The following KLHL1 variants were observed in gnomAD, a reference collection of about 807,000 sequenced individuals.
The protein encoded by KLHL1 is kelch-like protein 1.
In KLHL1, 47 loss-of-function variants were observed where a neutral mutation model predicts 77.7. The ratio of observed to expected loss-of-function variants is 0.60; its 90% CI spans 0.48 to 0.77. The LOEUF is 0.77. KLHL1 is among the 30% of genes least tolerant of loss of function. The pLI, the probability that KLHL1 is intolerant of heterozygous loss-of-function variation, is 0.00. For synonymous variants in KLHL1, 360 were observed against 325.2 expected (o/e 1.11, Z -1.15); for missense variants, 925 against 910.8 (o/e 1.02, Z -0.20).
At chr13:69,828,221 TGA>T (rs1363357758) in intron 6 of KLHL1, among the ~76,000 whole-genome samples, 4 of 140,966 alleles carry the variant, frequency 2.8e-5, no homozygotes, top group African/African-American at 1.0e-4. Flanking sequence ...GCCCAAAATG[TGA>T]GAGGGGAAAG....
At chr13:70,099,681 C>G (rs1156440243) in intron 1 of KLHL1, among the ~76,000 whole-genome samples, 1 of 151,900 alleles carries the variant, frequency 6.6e-6, no homozygotes, top group Non-Finnish European at 1.5e-5. Context: ...ATACACCATA[C>G]AATAAGCTTT....
chr13:69,865,233 G>A (rs1057040607), intron 5 of KLHL1, among the ~76,000 whole-genome samples: 12 of 152,072 alleles, frequency 7.9e-5, no homozygotes, highest in East Asian at 3.9e-4. Flanking sequence ...CAGTGCACTC[G>A]GCCCTGAGTT....
At chr13:69,996,153 A>C (rs1013379342) in intron 1 of KLHL1, among the ~76,000 whole-genome samples, 4 of 152,142 alleles carry the variant, frequency 2.6e-5, no homozygotes, top group Non-Finnish European at 5.9e-5. Flanking sequence ...AAATACAAAA[A>C]TTAGCTGCGC....
rs752906083 is a variant in KLHL1 at position 69,740,389 on chromosome 13, C to T, written c.1802+5G>A. The T allele has an allele frequency of 4.1e-5, 63 of 1,530,470 alleles. No individual in the cohort carries two copies. The highest frequency in any genetic ancestry group is 5.3e-5 in the Non-Finnish European group (60 of 1,131,440). 94.8% of individuals were successfully genotyped at this position (1,530,470 alleles called of 1,614,324 possible). ...GATTAAAAAATAAGAAAAAAATTTA[C>T]TTACTTGCCATTCAATGCTGCTACA... On this transcript the variant is annotated splice_donor_5th_base_variant and intron_variant, in intron 8 of 10. Coordinates refer to ENST00000377844, the MANE Select transcript of KLHL1 (RefSeq NM_020866.3).
intron 1 of KLHL1, among the ~76,000 whole-genome samples, chr13:70,057,573 G>A (rs1886774493): frequency 6.7e-6 from 1 of 148,648 alleles, no homozygotes; most frequent in Non-Finnish European, 1.5e-5. Context: ...TCAGGAGATC[G>A]AGACCATCCT....
chr13:70,102,910 G>A (rs572305383), intron 1 of KLHL1, among the ~76,000 whole-genome samples: 46 of 152,116 alleles, frequency 3.0e-4, no homozygotes, highest in Admixed American at 5.9e-4. Context: ...CTGCTCCATG[G>A]TAAGGGTAGA....
At chr13:69,904,150 T>G (rs1012883015) in intron 4 of KLHL1, among the ~76,000 whole-genome samples, 1 of 47,172 alleles carries the variant, frequency 2.1e-5, no homozygotes, top group Non-Finnish European at 3.8e-5. Flanking sequence ...TTAATATTTA[T>G]CATTTAATAA....
At chr13:69,739,175 T>C (rs1161392645) in intron 8 of KLHL1, among the ~76,000 whole-genome samples, 1 of 152,024 alleles carries the variant, frequency 6.6e-6, no homozygotes, top group Admixed American at 6.6e-5. Flanking sequence ...GAAGGAGAAA[T>C]AAAATATTTT....
chr13:70,064,619 G>T (rs1886964937), intron 1 of KLHL1, among the ~76,000 whole-genome samples: 1 of 152,006 alleles, frequency 6.6e-6, no homozygotes, highest in African/African-American at 2.4e-5. Context: ...AACTTCACAG[G>T]GTAAGAGACT....
intron 1 of KLHL1, among the ~76,000 whole-genome samples, chr13:70,000,683 T>C (rs552257149): frequency 6.6e-6 from 1 of 151,974 alleles, no homozygotes; most frequent in Non-Finnish European, 1.5e-5. Context: ...AAAAATATAA[T>C]TTAAATAATT....
At chr13:70,078,538 T>G (rs529422301) in intron 1 of KLHL1, among the ~76,000 whole-genome samples, 1 of 152,232 alleles carries the variant, frequency 6.6e-6, no homozygotes, top group South Asian at 2.1e-4. Context: ...TGAAGGGTAT[T>G]GGCTTGGCAG....
At chr13:69,741,458 TATTG>T (rs1873982954) in intron 7 of KLHL1, among the ~76,000 whole-genome samples, 9 of 152,258 alleles carry the variant, frequency 5.9e-5, no homozygotes, top group Admixed American at 4.6e-4. Flanking sequence ...AATTTATGCA[TATTG>T]ATTAAGACAT....
At position 69,736,679 on chromosome 13, in the gene KLHL1, G is replaced by GAGAT. The variant is rs1555264280; in HGVS notation, c.1802+3714_1802+3715insATCT. ...TAGTGATTGGATAAAGAGATTGTGA[G>GAGAT]ATATATATATGTATATATATATACA... On this transcript the variant is annotated intron_variant, in intron 8 of 10. Transcript: ENST00000377844. Among the ~76,000 whole-genome samples, 326 of 146,328 alleles carry GAGAT rather than the reference G, an allele frequency of 2.2e-3. 1 individual carries two copies. The highest frequency in any genetic ancestry group is 8.1e-3 in the African/African-American group (301 of 37,384).
At chr13:69,845,289 G>C (rs1879415905) in intron 5 of KLHL1, among the ~76,000 whole-genome samples, 1 of 151,514 alleles carries the variant, frequency 6.6e-6, no homozygotes, top group African/African-American at 2.4e-5. Flanking sequence ...AACATATTTT[G>C]TTGTCTTATA....
chr13:70,086,215 G>A (rs1466020756), intron 1 of KLHL1, among the ~76,000 whole-genome samples: 1 of 151,846 alleles, frequency 6.6e-6, no homozygotes, highest in Non-Finnish European at 1.5e-5. Context: ...TTAAAATTAT[G>A]TTGTGAGAGA....
rs561316174 is a variant in KLHL1, at chr13:70,081,834, A to G, written c.497+25369T>C. ...TGATTTTAAAATGTGTGTTGTTTTG[A>G]ACTTACGGGTTTGTGGTAATTTGTT... On this transcript the variant is annotated intron_variant, in intron 1 of 10. Transcript: ENST00000377844. Among the ~76,000 whole-genome samples the G allele has an allele frequency of 9.4e-4, 143 of 152,298 alleles. 1 individual carries two copies. Among genetic ancestry groups the G allele is most frequent in the South Asian group, 7.0e-3 (34 of 4,824 alleles).
chr13:69,906,427 G>A (rs1410052602), intron 4 of KLHL1, among the ~76,000 whole-genome samples: 2 of 151,766 alleles, frequency 1.3e-5, no homozygotes, highest in African/African-American at 4.8e-5. Context: ...TTAAGGTATC[G>A]GCTGTATTTG....
At chr13:69,833,344 CAT>C (rs1411188865) in intron 6 of KLHL1, among the ~76,000 whole-genome samples, 1 of 151,744 alleles carries the variant, frequency 6.6e-6, no homozygotes, top group African/African-American at 2.4e-5. Flanking sequence ...AGCCAACAAA[CAT>C]ATGAAAAAAT....
chr13:70,014,950 G>A (rs9529669), intron 1 of KLHL1, among the ~76,000 whole-genome samples: 81,743 of 151,862 alleles, frequency 0.54, 22,206 homozygotes, highest in Non-Finnish European at 0.57. Flanking sequence ...TACATAACAT[G>A]TGGTTTATTA....
Sources: allele counts gnomAD v4.1 joint callset (sites outside exome capture counted in the v4.1 genomes callset), GRCh38; gene constraint gnomAD v4.1.1; transcripts MANE v1.5; gene names NCBI Gene and HGNC (gene_info 2026-07-23, HGNC 2026-07-21).